Variants in PLEKHM3 observed in about 807,000 individuals in gnomAD.
PLEKHM3 encodes the protein pleckstrin homology domain-containing family M member 3.
PLEKHM3 carries 45 observed loss-of-function variants against 81.8 expected under a neutral mutation model. The observed-to-expected ratio is 0.55, with a 90% CI of 0.43 to 0.71. The LOEUF (loss-of-function observed/expected upper bound fraction) is 0.71, where lower values mean the gene tolerates loss of function less well. PLEKHM3 is among the 30% of genes least tolerant of loss of function. The probability of loss-of-function intolerance (pLI) is 0.00; values close to 1 mark genes in which losing one functional copy is unlikely to be tolerated. For synonymous variants in PLEKHM3, 352 were observed against 356.4 expected (o/e 0.99, Z 0.14); for missense variants, 788 against 924.3 (o/e 0.85, Z 1.91).
intron 5 of PLEKHM3, among the ~76,000 whole-genome samples, chr2:207,916,892 T>A (rs1024865371): frequency 6.6e-6 from 1 of 152,224 alleles, no homozygotes; most frequent in Non-Finnish European, 1.5e-5. Context: ...AATTAATATA[T>A]AACTTCCCAG....
rs745780585 is a variant in PLEKHM3 at position 207,976,802 on chromosome 2, C to T, written c.1395G>A (p.Leu465=). 2 of 1,614,236 alleles carry T rather than the reference C, an allele frequency of 1.2e-6. No homozygotes were observed. Among genetic ancestry groups the T allele is most frequent in the East Asian group, 4.5e-5 (2 of 44,888 alleles). The change falls in exon 3 of 8, where the codon CTG becomes CTA. Residue 465 remains leucine (L), a synonymous_variant. Coordinates refer to ENST00000427836, the MANE Select transcript of PLEKHM3 (RefSeq NM_001080475.3). The surrounding 1 kb of genome is among the most constrained non-coding windows in gnomAD (Gnocchi z 4.1). ...TGGGTTTGTTCCTCAGTGTGACTTGCAGGTTTTGCTCTGAACTCCTCGCCA... is the reference window on the plus strand; with the variant it reads ...TGGGTTTGTTCCTCAGTGTGACTTGTAGGTTTTGCTCTGAACTCCTCGCCA... ...ANVARSSEQN[L]QVTLRNKPKD...
chr2:207,907,395 G>T (rs1352166679), intron 6 of PLEKHM3, among the ~76,000 whole-genome samples: 2 of 151,986 alleles, frequency 1.3e-5, no homozygotes, highest in Non-Finnish European at 2.9e-5. Flanking sequence ...CCAGCTACTC[G>T]GGAGGCTGAG....
At chr2:207,891,878 T>C (rs1382179436) in intron 6 of PLEKHM3, among the ~76,000 whole-genome samples, 2 of 152,178 alleles carry the variant, frequency 1.3e-5, no homozygotes, top group East Asian at 1.9e-4. Flanking sequence ...CTTTCACTTA[T>C]GGATTATTTT....
At chr2:207,902,222 CTGGGTGCCCACTTA>C (rs1688453567) in intron 6 of PLEKHM3, among the ~76,000 whole-genome samples, 1 of 152,194 alleles carries the variant, frequency 6.6e-6, no homozygotes, top group African/African-American at 2.4e-5. Flanking sequence ...GGCAGCTGTG[CTGGGTGCCCACTTA>C]GGCTCGGCCT....
chr2:208,010,653 T>C (rs1308747508), intron 1 of PLEKHM3, among the ~76,000 whole-genome samples: 4 of 152,212 alleles, frequency 2.6e-5, no homozygotes, highest in Non-Finnish European at 2.9e-5. Context: ...AGCCAGCTAG[T>C]GTGGCTGACT....
intron 7 of PLEKHM3, among the ~76,000 whole-genome samples, chr2:207,852,522 T>C (rs1215402104): frequency 6.6e-6 from 1 of 152,168 alleles, no homozygotes; most frequent in African/African-American, 2.4e-5. Context: ...TAATGATTAA[T>C]TTAATGAGGA....
In PLEKHM3 at chr2:207,938,479, C is replaced by T. The variant is rs75226029; in HGVS notation, c.1693-7360G>A. On this transcript the variant is annotated intron_variant, in intron 4 of 7. Transcript: ENST00000427836. The stretch of plus-strand genomic sequence containing the variant: ...GCTATTCAAGCCAGTCACGTACTTG[C>T]TATTAAGGACAGCAGGCAGATCTAA... Among the ~76,000 whole-genome samples, 1,390 of 152,296 alleles carry T rather than the reference C, an allele frequency of 9.1e-3. 21 individuals carry two copies. Among genetic ancestry groups the T allele is most frequent in the African/African-American group, 0.032 (1,333 of 41,544 alleles).
chr2:207,845,605 T>G (rs1020756311), intron 7 of PLEKHM3, among the ~76,000 whole-genome samples: 6 of 152,246 alleles, frequency 3.9e-5, no homozygotes, highest in African/African-American at 1.4e-4. Flanking sequence ...ATGATAAGGA[T>G]GTAAGCCATC....
chr2:207,971,564 TAAAAA>T (rs76822691), intron 3 of PLEKHM3, among the ~76,000 whole-genome samples: 2 of 138,728 alleles, frequency 1.4e-5, no homozygotes, highest in African/African-American at 5.3e-5. Flanking sequence ...TTTTTTTAAC[TAAAAA>T]AAAAAAAAGA....
At chr2:207,964,055 T>C (rs1404655927) in intron 3 of PLEKHM3, among the ~76,000 whole-genome samples, 1 of 152,002 alleles carries the variant, frequency 6.6e-6, no homozygotes, top group Non-Finnish European at 1.5e-5. Context: ...CTACTAAAAA[T>C]ACAAAAATTA....
chr2:207,939,595 G>A (rs546147995), intron 4 of PLEKHM3, among the ~76,000 whole-genome samples: 2 of 152,340 alleles, frequency 1.3e-5, no homozygotes, highest in South Asian at 2.1e-4. Context: ...GCCACACCCT[G>A]TGCCAGGTGC....
chr2:208,018,113 G>A (rs780803898), intron 1 of PLEKHM3, among the ~76,000 whole-genome samples: 10 of 152,088 alleles, frequency 6.6e-5, no homozygotes, highest in Non-Finnish European at 7.4e-5. Flanking sequence ...AGTGGTTCAC[G>A]CCTGTAATCC....
intron 3 of PLEKHM3, among the ~76,000 whole-genome samples, chr2:207,960,782 A>G (rs901636188): frequency 2.0e-5 from 3 of 152,180 alleles, no homozygotes; most frequent in African/African-American, 7.2e-5. Context: ...CTTTTACTCA[A>G]GTTAAAACTC....
intron 6 of PLEKHM3, among the ~76,000 whole-genome samples, chr2:207,897,540 A>T (rs1688265442): frequency 6.6e-6 from 1 of 152,340 alleles, no homozygotes; most frequent in East Asian, 1.9e-4. Context: ...CTTAAGGCAC[A>T]AAGAGAAGTG....
intron 7 of PLEKHM3, among the ~76,000 whole-genome samples, chr2:207,841,371 G>A (rs6728665): frequency 0.33 from 47,703 of 144,950 alleles, 8,128 homozygotes; most frequent in African/African-American, 0.42. Flanking sequence ...AGGCTGAGGC[G>A]CGATAATCGC....
chr2:207,958,500 T>C (rs1272754006), intron 3 of PLEKHM3, among the ~76,000 whole-genome samples: 3 of 152,200 alleles, frequency 2.0e-5, no homozygotes, highest in African/African-American at 7.2e-5. Flanking sequence ...ATTCTCTATA[T>C]ATTCTCCTGC....
chr2:207,888,427 C>T (rs1194887305), intron 6 of PLEKHM3, among the ~76,000 whole-genome samples: 1 of 152,128 alleles, frequency 6.6e-6, no homozygotes, highest in Non-Finnish European at 1.5e-5. Context: ...GACAGAATCT[C>T]GCTTTGTCAC....
chr2:207,945,285 G>A (rs1481130658), intron 4 of PLEKHM3, among the ~76,000 whole-genome samples: 4 of 152,174 alleles, frequency 2.6e-5, no homozygotes, highest in Non-Finnish European at 5.9e-5. Context: ...CTAAGTTGGA[G>A]GGTCCCCGTG....
chr2:207,928,869 GCT>G (rs1223563938), intron 5 of PLEKHM3, among the ~76,000 whole-genome samples: 1 of 152,204 alleles, frequency 6.6e-6, no homozygotes, highest in Admixed American at 6.5e-5. Context: ...TGATTTGACT[GCT>G]CTTTCACTCA....
Sources: gnomAD v4.1 joint callset for allele counts (sites outside exome capture counted in the v4.1 genomes callset) on GRCh38, gnomAD v4.1.1 for gene constraint, Gnocchi (gnomAD v3.1) non-coding constraint, MANE v1.5 for transcripts, NCBI Gene and HGNC (gene_info 2026-07-23, HGNC 2026-07-21) for gene names.